Variants in MAML2 observed in about 807,000 individuals in gnomAD.
MAML2 encodes mastermind-like protein 2.
Under a neutral mutation model 96.1 loss-of-function variants are expected in MAML2, and 22 were observed. The ratio of observed to expected loss-of-function variants is 0.23; its 90% CI spans 0.16 to 0.33. The LOEUF is 0.33. Among genes scored for constraint, MAML2 ranks in the 10% least tolerant of loss-of-function variants. The pLI is 1.00. For synonymous variants in MAML2, 561 were observed against 521.3 expected (o/e 1.08, Z -1.04); for missense variants, 1,367 against 1,392.4 (o/e 0.98, Z 0.29).
chr11:95,984,565 GGCA>G (rs1857796354), intron 4 of MAML2, among the ~76,000 whole-genome samples: 1 of 152,178 alleles, frequency 6.6e-6, no homozygotes, highest in Non-Finnish European at 1.5e-5. Flanking sequence ...TGGGACTACA[GGCA>G]CGTGCGACTG....
chr11:96,060,645 C>T (rs1234501366), intron 2 of MAML2, among the ~76,000 whole-genome samples: 2 of 152,172 alleles, frequency 1.3e-5, no homozygotes, highest in East Asian at 1.9e-4. Context: ...TCTGTGAGTA[C>T]AAATGTGCTG....
At chr11:96,222,843 T>C (rs1043640159) in intron 1 of MAML2, among the ~76,000 whole-genome samples, 1 of 152,326 alleles carries the variant, frequency 6.6e-6, no homozygotes, top group African/African-American at 2.4e-5. Flanking sequence ...AGTTTTATTT[T>C]TATAAAAATA....
intron 4 of MAML2, 70 bp downstream of exon 4, chr11:95,985,461 G>T: frequency 1.2e-6 from 1 of 829,836 alleles, no homozygotes; most frequent in Non-Finnish European, 1.9e-6. Context: ...GAGTTACAGG[G>T]ATTATTGAAA....
chr11:96,209,590 A>AAACG (rs1861939851), intron 1 of MAML2, among the ~76,000 whole-genome samples: 1 of 42,046 alleles, frequency 2.4e-5, no homozygotes, highest in African/African-American at 1.3e-4. Flanking sequence ...ACAAACAAAC[A>AAACG]AACAAACAAA....
chr11:96,112,842 C>A (rs1391674100), intron 1 of MAML2, among the ~76,000 whole-genome samples: 1 of 152,084 alleles, frequency 6.6e-6, no homozygotes, highest in Non-Finnish European at 1.5e-5. Context: ...AAAGTGTTTT[C>A]AGAAAGAAAC....
intron 1 of MAML2, among the ~76,000 whole-genome samples, chr11:96,297,524 G>A (rs990253651): frequency 3.9e-5 from 6 of 152,208 alleles, no homozygotes; most frequent in Admixed American, 1.3e-4. Flanking sequence ...ATAGTGAGCC[G>A]AGATCACGCC....
At chr11:96,037,999 T>C (rs1858745880) in intron 2 of MAML2, among the ~76,000 whole-genome samples, 1 of 152,172 alleles carries the variant, frequency 6.6e-6, no homozygotes, top group Non-Finnish European at 1.5e-5. Flanking sequence ...AAAATCCACA[T>C]TCTTGTGCCA....
chr11:96,013,602 A>G (rs1321324216), intron 2 of MAML2, among the ~76,000 whole-genome samples: 1 of 152,136 alleles, frequency 6.6e-6, no homozygotes, highest in Non-Finnish European at 1.5e-5. Flanking sequence ...GGGCCTATAA[A>G]AACCCCAGAC....
chr11:96,319,622 C>T (rs1348044232), intron 1 of MAML2, among the ~76,000 whole-genome samples: 1 of 152,064 alleles, frequency 6.6e-6, no homozygotes, highest in Non-Finnish European at 1.5e-5. Context: ...TGCTTTGCTA[C>T]TCATTGAATT....
intron 2 of MAML2, among the ~76,000 whole-genome samples, chr11:96,010,292 T>A (rs140397577): frequency 6.6e-6 from 1 of 152,222 alleles, no homozygotes; most frequent in Non-Finnish European, 1.5e-5. Flanking sequence ...AAAACTGGAT[T>A]ACTATTTAGA....
Position 95,985,504 on chromosome 11 carries a change from T to A in MAML2, c.2455+27A>T, listed in dbSNP as rs770097203. The A allele has an allele frequency of 1.2e-4, 173 of 1,386,604 alleles. 1 individual carries two copies. In the Middle Eastern group the frequency reaches 3.4e-3, roughly 27 times the overall value. The allele number at this position is 1,386,604 out of a possible 1,614,324, so 85.9% of individuals were successfully genotyped here. On this transcript the variant is annotated intron_variant, in intron 4 of 4. Transcript: ENST00000524717. ...TTTTTTTTTCCTTTCACAGCTATAA[T>A]TTTTATTAATTTTTAAGAACACTTA... is the stretch of plus-strand genomic sequence containing the variant.
intron 1 of MAML2, among the ~76,000 whole-genome samples, chr11:96,107,976 CCTGAGTT>C (rs1276496633): frequency 6.6e-6 from 1 of 152,108 alleles, no homozygotes; most frequent in East Asian, 1.9e-4. Context: ...TAAGTGTTTC[CCTGAGTT>C]CTACGAGCTA....
chr11:96,122,878 C>T (rs1196344493), intron 1 of MAML2, among the ~76,000 whole-genome samples: 1 of 152,242 alleles, frequency 6.6e-6, no homozygotes, highest in Non-Finnish European at 1.5e-5. Flanking sequence ...AGTGAATATC[C>T]TTTAAGGTGT....
At chr11:96,070,709 G>A (rs1406284500) in intron 2 of MAML2, among the ~76,000 whole-genome samples, 1 of 152,266 alleles carries the variant, frequency 6.6e-6, no homozygotes, top group Non-Finnish European at 1.5e-5. Context: ...GGTCGGTAGT[G>A]TGAGCTGAGC....
In MAML2 at chr11:96,085,252, T is replaced by G. The variant is rs1859590969; in HGVS notation, c.2139+6640A>C. Among the ~76,000 whole-genome samples the G allele has an allele frequency of 2.0e-5, 3 of 152,170 alleles. No homozygotes were observed. The South Asian group carries it at 6.2e-4, about 32-fold the overall frequency. ...TTAAGATGATTCACTGACATTACAC[T>G]TCTCTGATCCTACTAGTCTAAACAT... On this transcript the variant is annotated intron_variant, in intron 2 of 4. Transcript: ENST00000524717.
chr11:96,135,690 A>T (rs1332597488), intron 1 of MAML2, among the ~76,000 whole-genome samples: 1 of 152,022 alleles, frequency 6.6e-6, no homozygotes, highest in African/African-American at 2.4e-5. Context: ...TTTCCTAAAA[A>T]TTGGCATTTT....
rs527712194 is a variant in MAML2 at position 96,161,681 on chromosome 11, G to A, written c.514-68164C>T. The stretch of plus-strand genomic sequence containing the variant: ...TTAAGATTGTTTTGTTTCACGTTCA[G>A]CATTCCTATGTCCTGAGTTTACTCC... On this transcript the variant is annotated intron_variant, in intron 1 of 4. Transcript: ENST00000524717. Among the ~76,000 whole-genome samples, 93 of 152,278 alleles carry A rather than the reference G, an allele frequency of 6.1e-4. 3 individuals carry two copies. In the South Asian group the frequency reaches 0.018, roughly 30 times the overall value.
chr11:96,009,408 G>T lies in MAML2; in HGVS notation c.2140-17685C>A, dbSNP rs557593286. Among the ~76,000 whole-genome samples the T allele has an allele frequency of 1.2e-4, 18 of 152,132 alleles. No individual in the cohort carries two copies. The East Asian group carries it at 3.5e-3, about 29-fold the overall frequency. ...AGGTGCTAATCTTTGAATTTAACTG[G>T]GTCCTGGTCATAAGATAAAGTGGAA... On this transcript the variant is annotated intron_variant, in intron 2 of 4. Transcript: ENST00000524717.
At chr11:96,281,977 C>A (rs565006021) in intron 1 of MAML2, among the ~76,000 whole-genome samples, 1 of 152,208 alleles carries the variant, frequency 6.6e-6, no homozygotes, top group African/African-American at 2.4e-5. Context: ...AGGCCAGGCG[C>A]GGTGGCTCAT....
Sources: gnomAD v4.1 joint callset for allele counts (sites outside exome capture counted in the v4.1 genomes callset) on GRCh38, gnomAD v4.1.1 for gene constraint, MANE v1.5 for transcripts, NCBI Gene and HGNC (gene_info 2026-07-23, HGNC 2026-07-21) for gene names.